The following GPC5 variants were observed in gnomAD, a reference collection of about 807,000 sequenced individuals.
The protein encoded by GPC5 is glypican 5.
GPC5 carries 47 observed loss-of-function variants against 53.9 expected under a neutral mutation model. The observed-to-expected ratio is 0.87, with a 90% CI of 0.69 to 1.11. The LOEUF (loss-of-function observed/expected upper bound fraction) is 1.11. Ranked by LOEUF, GPC5 falls within the 50% of genes most tolerant of loss-of-function variation. GPC5 has a pLI of 0.00. For synonymous variants in GPC5, 286 were observed against 263.3 expected (o/e 1.09, Z -0.84); for missense variants, 748 against 713.1 (o/e 1.05, Z -0.56).
intron 5 of GPC5, among the ~76,000 whole-genome samples, chr13:91,848,604 G>A (rs2038878225): frequency 6.6e-6 from 1 of 152,160 alleles, no homozygotes; most frequent in Non-Finnish European, 1.5e-5. Context: ...GAAGAGGGTA[G>A]AAAAGAGGAT....
At chr13:91,770,744 A>C (rs544575687) in intron 5 of GPC5, among the ~76,000 whole-genome samples, 1 of 95,048 alleles carries the variant, frequency 1.1e-5, no homozygotes, top group African/African-American at 3.0e-5. Context: ...GTGTGTATGC[A>C]TATGCATATT....
intron 7 of GPC5, among the ~76,000 whole-genome samples, chr13:92,489,324 A>G (rs986165481): frequency 1.3e-5 from 2 of 152,206 alleles, no homozygotes; most frequent in Non-Finnish European, 2.9e-5. Flanking sequence ...CTAGAGATAC[A>G]TCTTGTGACT....
intron 7 of GPC5, among the ~76,000 whole-genome samples, chr13:92,763,665 G>A (rs1279622115): frequency 6.6e-6 from 1 of 152,142 alleles, no homozygotes; most frequent in African/African-American, 2.4e-5. Flanking sequence ...GTCTTGTGGT[G>A]CAGCTTCATT....
chr13:92,109,643 T>A (rs1207210151), intron 6 of GPC5, among the ~76,000 whole-genome samples: 1 of 152,210 alleles, frequency 6.6e-6, no homozygotes, highest in Non-Finnish European at 1.5e-5. Flanking sequence ...TTGAGTATCA[T>A]TATCTACCTT....
At chr13:91,865,942 G>A (rs527865499) in intron 5 of GPC5, among the ~76,000 whole-genome samples, 9 of 152,134 alleles carry the variant, frequency 5.9e-5, no homozygotes, top group South Asian at 4.2e-4. Flanking sequence ...ATCTCTGCTC[G>A]CCGCAACATC....
At chr13:92,685,547 T>TTTTTTTTTTTTAA (rs1555302913) in intron 7 of GPC5, among the ~76,000 whole-genome samples, 113 of 97,776 alleles carry the variant, frequency 1.2e-3, no homozygotes, top group Admixed American at 3.1e-3. Flanking sequence ...TATGCTCATT[T>TTTTTTTTTTTTAA]TTTTTTTTTT....
intron 7 of GPC5, among the ~76,000 whole-genome samples, chr13:92,691,741 C>T (rs1887406905): frequency 6.6e-6 from 1 of 151,384 alleles, no homozygotes; most frequent in South Asian, 2.1e-4. Flanking sequence ...AAGATCAATT[C>T]CTAAAATTTT....
intron 5 of GPC5, among the ~76,000 whole-genome samples, chr13:91,829,863 A>G (rs984287001): frequency 6.6e-6 from 1 of 152,132 alleles, no homozygotes; most frequent in Non-Finnish European, 1.5e-5. Flanking sequence ...GGTCACAGAC[A>G]GCAAGTACTT....
intron 1 of GPC5, among the ~76,000 whole-genome samples, chr13:91,427,292 C>A (rs934537013): frequency 1.3e-5 from 2 of 152,212 alleles, no homozygotes; most frequent in Non-Finnish European, 2.9e-5. Context: ...CAATGCCAGC[C>A]TGTGAAAGCA....
intron 6 of GPC5, among the ~76,000 whole-genome samples, chr13:91,993,159 G>T (rs549611504): frequency 6.6e-6 from 1 of 152,196 alleles, no homozygotes; most frequent in South Asian, 2.1e-4. Flanking sequence ...ATATATATTT[G>T]AAGTGAACAG....
At chr13:91,571,858 T>C (rs546209158) in intron 2 of GPC5, among the ~76,000 whole-genome samples, 11 of 124,118 alleles carry the variant, frequency 8.9e-5, no homozygotes, top group South Asian at 3.0e-4. Context: ...TATACACATA[T>C]ACGTGTGTGT....
chr13:91,790,039 A>G (rs1297428382), intron 5 of GPC5, among the ~76,000 whole-genome samples: 2 of 152,238 alleles, frequency 1.3e-5, no homozygotes, highest in Non-Finnish European at 2.9e-5. Context: ...CCTCTTAAAG[A>G]CTTAATCATC....
chr13:92,075,519 G>A (rs982822431), intron 6 of GPC5, among the ~76,000 whole-genome samples: 15 of 152,048 alleles, frequency 9.9e-5, no homozygotes, highest in Non-Finnish European at 1.6e-4. Context: ...TATAAGGTAC[G>A]TTAATTGTAT....
intron 7 of GPC5, among the ~76,000 whole-genome samples, chr13:92,703,091 A>T (rs193105860): frequency 7.1e-6 from 1 of 141,436 alleles, no homozygotes; most frequent in African/African-American, 2.8e-5. Context: ...TATTTATTTT[A>T]GTAGCACTTA....
chr13:91,425,843 G>T (rs1432291857), intron 1 of GPC5, among the ~76,000 whole-genome samples: 4 of 152,194 alleles, frequency 2.6e-5, no homozygotes, highest in African/African-American at 4.8e-5. Context: ...ATGTGGGAAA[G>T]TTTGGAGCTT....
At chr13:91,411,352 T>C (rs1447503766) in intron 1 of GPC5, among the ~76,000 whole-genome samples, 1 of 152,200 alleles carries the variant, frequency 6.6e-6, no homozygotes, top group African/African-American at 2.4e-5. Flanking sequence ...GCAAGTCCCC[T>C]ATATTGGAGA....
At chr13:91,947,353 C>T (rs2039983337) in intron 6 of GPC5, among the ~76,000 whole-genome samples, 2 of 152,258 alleles carry the variant, frequency 1.3e-5, no homozygotes, top group South Asian at 4.1e-4. Flanking sequence ...CTGCTGGCTC[C>T]TCCTGCTAAC....
intron 2 of GPC5, among the ~76,000 whole-genome samples, chr13:91,659,682 C>T (rs2034936358): frequency 6.6e-6 from 1 of 152,126 alleles, no homozygotes; most frequent in Non-Finnish European, 1.5e-5. Flanking sequence ...GGTCTAGCAG[C>T]CTCGAGATGT....
chr13:91,924,928 T>A (rs1488612579), intron 6 of GPC5, among the ~76,000 whole-genome samples: 1 of 151,806 alleles, frequency 6.6e-6, no homozygotes, highest in Non-Finnish European at 1.5e-5. Context: ...CACCCCATTC[T>A]CCTGCCTCAG....
Sources: allele counts gnomAD v4.1 joint callset (sites outside exome capture counted in the v4.1 genomes callset), GRCh38; gene constraint gnomAD v4.1.1; transcripts MANE v1.5; gene names NCBI Gene and HGNC (gene_info 2026-07-23, HGNC 2026-07-21).